The following RGL1 variants were observed in gnomAD, a reference collection of about 807,000 sequenced individuals.
The protein encoded by RGL1 is ral guanine nucleotide dissociation stimulator-like 1.
A neutral mutation model predicts 95.2 loss-of-function variants in RGL1; 24 were observed. The observed-to-expected ratio is 0.25, with a 90% confidence interval of 0.18 to 0.35. The LOEUF (loss-of-function observed/expected upper bound fraction) is 0.35. RGL1 is among the 10% of genes least tolerant of loss of function. RGL1 has a pLI of 1.00. For synonymous variants in RGL1, 329 were observed against 344.9 expected (o/e 0.95, Z 0.51); for missense variants, 715 against 936.3 (o/e 0.76, Z 3.08).
intron 3 of RGL1, among the ~76,000 whole-genome samples, chr1:183,864,174 C>T (rs568120240): frequency 6.6e-6 from 1 of 152,286 alleles, no homozygotes; most frequent in South Asian, 2.1e-4. Flanking sequence ...GAAAAAAAGA[C>T]TATCAGGAGC....
rs192331866 is a variant in RGL1, at chr1:183,838,218, G to A, written c.139-9348G>A. On this transcript the variant is annotated intron_variant, in intron 2 of 17. Transcript: ENST00000360851. ...TCCTTAAAGGATGACCAGAATGTCA[G>A]AAATGGAGATTTGTGTTAGAGAAGA... Among the ~76,000 whole-genome samples, 8 of 152,348 alleles carry A rather than the reference G, an allele frequency of 5.3e-5. No individual in the cohort carries two copies. The East Asian group carries it at 1.5e-3, about 29-fold the overall frequency.
At chr1:183,827,434 C>T (rs966036483) in intron 2 of RGL1, among the ~76,000 whole-genome samples, 2 of 152,202 alleles carry the variant, frequency 1.3e-5, no homozygotes, top group Admixed American at 6.5e-5. Flanking sequence ...ACTGGAATCT[C>T]TCCCACTGGT....
intron 1 of RGL1, among the ~76,000 whole-genome samples, chr1:183,703,987 C>T (rs962706442): frequency 2.6e-4 from 40 of 152,136 alleles, no homozygotes; most frequent in African/African-American, 8.0e-4. Context: ...TGAGGAAGAA[C>T]GAAGCGCCCT....
chr1:183,662,208 C>T (rs547705313), intron 1 of RGL1, among the ~76,000 whole-genome samples: 389 of 151,388 alleles, frequency 2.6e-3, no homozygotes, highest in Middle Eastern at 6.8e-3. Context: ...AAGTTCTGGC[C>T]AGGGCAATTA....
intron 1 of RGL1, among the ~76,000 whole-genome samples, chr1:183,713,388 C>CT (rs67617883): frequency 7.7e-6 from 1 of 130,150 alleles, no homozygotes; most frequent in African/African-American, 2.8e-5. Context: ...CCCCCCCCCC[C>CT]GCTTTTATAA....
At chr1:183,783,553 T>C (rs1453726650) in intron 2 of RGL1, among the ~76,000 whole-genome samples, 1 of 152,196 alleles carries the variant, frequency 6.6e-6, no homozygotes, top group Non-Finnish European at 1.5e-5. Context: ...TAATCCTTGA[T>C]GGACTATTAC....
At chr1:183,687,183 C>G (rs894389916) in intron 1 of RGL1, among the ~76,000 whole-genome samples, 2 of 152,098 alleles carry the variant, frequency 1.3e-5, no homozygotes, top group Non-Finnish European at 2.9e-5. Flanking sequence ...TTAACAATAT[C>G]TGGTATTATT....
chr1:183,653,231 A>T (rs1197358423), intron 1 of RGL1: 1 of 152,078 alleles, frequency 6.6e-6, no homozygotes, highest in East Asian at 1.9e-4. Context: ...ACTCTTTCAC[A>T]GTTTGTGTCT....
At chr1:183,906,374 G>A (rs776386409) in intron 13 of RGL1, among the ~76,000 whole-genome samples, 1 of 152,006 alleles carries the variant, frequency 6.6e-6, no homozygotes, top group Non-Finnish European at 1.5e-5. Flanking sequence ...GTCTGAATCT[G>A]GAGCATTTTT....
rs537134378 is a variant in RGL1 at position 183,813,349 on chromosome 1, C to T, written c.138+6864C>T. Among the ~76,000 whole-genome samples, 32 of 152,282 alleles carry T rather than the reference C, an allele frequency of 2.1e-4. No individual in the cohort carries two copies. In the South Asian group the frequency reaches 5.4e-3, roughly 26 times the overall value. ...CTCCATATACACTAGCAAATGCCTG[C>T]GTTACTGTCAGAAGGCTTGGCAGAA... On this transcript the variant is annotated intron_variant, in intron 2 of 17. Coordinates refer to ENST00000360851, the MANE Select transcript of RGL1 (RefSeq NM_001297671.3).
chr1:183,830,939 T>C (rs761972285), intron 2 of RGL1, among the ~76,000 whole-genome samples: 1 of 152,224 alleles, frequency 6.6e-6, no homozygotes, highest in Non-Finnish European at 1.5e-5. Flanking sequence ...TGCAATTTAC[T>C]TACAGTATTA....
At chr1:183,744,240 A>G (rs184498672) in intron 2 of RGL1, among the ~76,000 whole-genome samples, 124 of 152,316 alleles carry the variant, frequency 8.1e-4, no homozygotes, top group African/African-American at 2.8e-3. Flanking sequence ...TAACCTAACA[A>G]CTAGTTTTGA....
intron 1 of RGL1, among the ~76,000 whole-genome samples, chr1:183,730,668 A>G (rs1308704026): frequency 2.0e-5 from 3 of 152,036 alleles, no homozygotes; most frequent in Non-Finnish European, 4.4e-5. Context: ...ATTTTGACTA[A>G]TTGGTCCAGT....
chr1:183,798,004 T>C (rs1248473539), intron 2 of RGL1, among the ~76,000 whole-genome samples: 1 of 152,228 alleles, frequency 6.6e-6, no homozygotes, highest in Non-Finnish European at 1.5e-5. Flanking sequence ...TATGAGTAAA[T>C]TATTGCAAAA....
At chr1:183,875,040 C>T (rs1666409234) in intron 4 of RGL1, among the ~76,000 whole-genome samples, 1 of 152,216 alleles carries the variant, frequency 6.6e-6, no homozygotes, top group African/African-American at 2.4e-5. Flanking sequence ...CGTAAATCTT[C>T]TTACCTTTTC....
intron 2 of RGL1, among the ~76,000 whole-genome samples, chr1:183,776,733 A>G (rs749235137): frequency 2.6e-5 from 4 of 152,204 alleles, no homozygotes; most frequent in Non-Finnish European, 4.4e-5. Flanking sequence ...GGTTCAAGAT[A>G]GAAGGTGGGG....
Position 183,904,982 on chromosome 1 carries a change from C to G in RGL1, c.1472+11C>G. On this transcript the variant is annotated intron_variant, in intron 13 of 17. Coordinates refer to ENST00000360851, the MANE Select transcript of RGL1 (RefSeq NM_001297671.3). Reference sequence around the variant, plus strand: ...GACAGAGGAGGAGAGGTGGGATCACCTGTCGTTCATCGGGGTAGAACTGAA... The same window carrying G: ...GACAGAGGAGGAGAGGTGGGATCACGTGTCGTTCATCGGGGTAGAACTGAA... The G allele has an allele frequency of 6.2e-7, 1 of 1,608,592 alleles. No homozygotes were observed. Among genetic ancestry groups the G allele is most frequent in the Non-Finnish European group, 8.5e-7 (1 of 1,178,472 alleles).
chr1:183,690,746 AT>A (rs1653897827), intron 1 of RGL1, among the ~76,000 whole-genome samples: 3 of 151,980 alleles, frequency 2.0e-5, no homozygotes, highest in Non-Finnish European at 4.4e-5. Flanking sequence ...AAAAAAAAGA[AT>A]GTATTTCAAC....
At chr1:183,721,630 T>G (rs1448696198) in intron 1 of RGL1, among the ~76,000 whole-genome samples, 1 of 152,252 alleles carries the variant, frequency 6.6e-6, no homozygotes, top group Non-Finnish European at 1.5e-5. Context: ...TAACCTGCTA[T>G]TATACAAATG....
Sources: allele counts gnomAD v4.1 joint callset (sites outside exome capture counted in the v4.1 genomes callset), GRCh38; gene constraint gnomAD v4.1.1; transcripts MANE v1.5; gene names NCBI Gene and HGNC (gene_info 2026-07-23, HGNC 2026-07-21).